Variants in PPP2R2B observed in about 807,000 individuals in gnomAD.
The protein encoded by PPP2R2B is protein phosphatase 2 regulatory subunit Bbeta.
A neutral mutation model predicts 46.0 loss-of-function variants in PPP2R2B; 5 were observed. That is an observed-to-expected ratio of 0.11 (90% CI 0.06 to 0.23). PPP2R2B has a LOEUF of 0.23. Among genes scored for constraint, PPP2R2B ranks in the 10% least tolerant of loss-of-function variants. The pLI, the probability that PPP2R2B is intolerant of heterozygous loss-of-function variation, is 1.00. For synonymous variants in PPP2R2B, 215 were observed against 206.7 expected (o/e 1.04, Z -0.34); for missense variants, 367 against 575.0 (o/e 0.64, Z 3.70).
At chr5:146,836,719 T>G (rs1186598369) in intron 2 of PPP2R2B, among the ~76,000 whole-genome samples, 1 of 152,210 alleles carries the variant, frequency 6.6e-6, no homozygotes, top group Non-Finnish European at 1.5e-5. Flanking sequence ...TTGCCAAAGT[T>G]CAGAGAGATA....
At chr5:146,779,548 A>G (rs753037677) in intron 2 of PPP2R2B, among the ~76,000 whole-genome samples, 7 of 152,208 alleles carry the variant, frequency 4.6e-5, no homozygotes, top group Non-Finnish European at 7.3e-5. Flanking sequence ...AAAGACTCAT[A>G]GTGGTACCAC....
At chr5:146,726,723 C>T (rs1346200359) in intron 2 of PPP2R2B, among the ~76,000 whole-genome samples, 2 of 152,194 alleles carry the variant, frequency 1.3e-5, no homozygotes, top group Non-Finnish European at 2.9e-5. Context: ...ATCTCAGGCT[C>T]ATGGGATCTG....
intron 2 of PPP2R2B, among the ~76,000 whole-genome samples, chr5:146,781,193 A>G (rs913333710): frequency 8.1e-6 from 1 of 123,744 alleles, no homozygotes; most frequent in South Asian, 2.6e-4. Context: ...TTCTCATGAT[A>G]TAAGTGAAGA....
intron 2 of PPP2R2B, among the ~76,000 whole-genome samples, chr5:146,792,832 C>T (rs759945834): frequency 3.3e-5 from 5 of 152,072 alleles, no homozygotes; most frequent in South Asian, 2.1e-4. Context: ...GAGAATAAAC[C>T]GAAGGACAGA....
rs921290767 is a variant in PPP2R2B at position 147,029,119 on chromosome 5, C to CT, written c.79+26545dup. On this transcript the variant is annotated intron_variant, in intron 1 of 8. Coordinates refer to the PPP2R2B transcript ENST00000336640. Reference sequence around the variant, plus strand: ...TCTTGCCTTTTTAGTCTTTTAACTCCTTTTTTTGATGAATAGAAAAATTTA... The same window carrying CT: ...TCTTGCCTTTTTAGTCTTTTAACTCCTTTTTTTTGATGAATAGAAAAATTTA... Among the ~76,000 whole-genome samples the CT allele has an allele frequency of 2.6e-5, 4 of 152,012 alleles. No homozygotes were observed. The East Asian group carries it at 5.8e-4, about 22-fold the overall frequency.
intron 2 of PPP2R2B, among the ~76,000 whole-genome samples, chr5:147,071,366 C>T (rs1185717006): frequency 6.6e-6 from 1 of 152,208 alleles, no homozygotes; most frequent in Non-Finnish European, 1.5e-5. Context: ...AATTGAGCTG[C>T]TGCTAGAAAG....
At chr5:146,964,408 C>G (rs191093141) in intron 1 of PPP2R2B, among the ~76,000 whole-genome samples, 44 of 152,052 alleles carry the variant, frequency 2.9e-4, no homozygotes, top group Middle Eastern at 3.4e-3. Flanking sequence ...AATAGTTTGA[C>G]TTGGTGCTTC....
chr5:146,770,180 T>C (rs1391375482), intron 2 of PPP2R2B, among the ~76,000 whole-genome samples: 3 of 151,520 alleles, frequency 2.0e-5, no homozygotes, highest in African/African-American at 4.8e-5. Context: ...AATACAAAAA[T>C]TAGCCAGACT....
At chr5:147,016,937 C>T (rs927981193) in intron 1 of PPP2R2B, among the ~76,000 whole-genome samples, 1 of 151,582 alleles carries the variant, frequency 6.6e-6, no homozygotes, top group African/African-American at 2.4e-5. Context: ...GAATATCCTA[C>T]ATGTCATGCT....
chr5:146,669,872 A>AT (rs893762841), intron 5 of PPP2R2B, among the ~76,000 whole-genome samples: 2 of 152,134 alleles, frequency 1.3e-5, no homozygotes, highest in African/African-American at 2.4e-5. Context: ...ATACCATGGC[A>AT]TTTTTTTCTG....
chr5:146,867,748 C>T lies in PPP2R2B; in HGVS notation c.70+10254G>A, dbSNP rs143572731. On this transcript the variant is annotated intron_variant, in intron 2 of 9. Transcript: ENST00000394411. ...GTGGTTAATTATATTTTGAGAAGGA[C>T]GGAGTGTCACCTGCCCAAATAGATG... is the stretch of plus-strand genomic sequence containing the variant. 5.4e-3 allele frequency among the ~76,000 whole-genome samples: 827 copies of T among 152,266 alleles called. 6 individuals carry two copies. Among genetic ancestry groups the T allele is most frequent in the Admixed American group, 9.7e-3 (148 of 15,292 alleles).
chr5:146,983,397 G>C (rs560125351), intron 1 of PPP2R2B, among the ~76,000 whole-genome samples: 1 of 152,084 alleles, frequency 6.6e-6, no homozygotes, highest in South Asian at 2.1e-4. Context: ...AGCCAGGATG[G>C]TCTTGATCTC....
At chr5:146,821,272 T>C (rs1475448857) in intron 2 of PPP2R2B, among the ~76,000 whole-genome samples, 1 of 152,200 alleles carries the variant, frequency 6.6e-6, no homozygotes, top group East Asian at 1.9e-4. Context: ...CTTAATACCA[T>C]ACTCTTCTCT....
At chr5:146,676,384 C>G (rs781563792) in intron 5 of PPP2R2B, among the ~76,000 whole-genome samples, 5 of 152,132 alleles carry the variant, frequency 3.3e-5, no homozygotes, top group Non-Finnish European at 7.3e-5. Context: ...CTGCATCTTA[C>G]TGGTACCACA....
At chr5:146,718,026 T>C (rs1402180062) in intron 2 of PPP2R2B, among the ~76,000 whole-genome samples, 5 of 152,180 alleles carry the variant, frequency 3.3e-5, no homozygotes, top group Admixed American at 6.5e-5. Flanking sequence ...ATGTATATTA[T>C]GTATGTTTTT....
In PPP2R2B at chr5:146,815,329, A is replaced by G. The variant is rs576731730; in HGVS notation, c.70+62673T>C. On this transcript the variant is annotated intron_variant, in intron 2 of 9. Coordinates refer to ENST00000394411, the MANE Select transcript of PPP2R2B (RefSeq NM_181675.4). Reference sequence around the variant, plus strand: ...ACCCGGATTTCCTCTTCCAATGTATATTCATTCAACACTCCTGCACACACT... The same window carrying G: ...ACCCGGATTTCCTCTTCCAATGTATGTTCATTCAACACTCCTGCACACACT... Among the ~76,000 whole-genome samples the G allele has an allele frequency of 6.6e-5, 10 of 152,344 alleles. No individual in the cohort carries two copies. The South Asian group carries it at 2.1e-3, about 32-fold the overall frequency.
rs1197171927 is a variant in PPP2R2B at position 146,614,274 on chromosome 5, G to A, written c.791-13814C>T. Reference sequence around the variant, plus strand: ...GAAAGGATTCCCTATTTAATAAATGGTACTGGGAAAACTGGCTAGCCATAT... The same window carrying A: ...GAAAGGATTCCCTATTTAATAAATGATACTGGGAAAACTGGCTAGCCATAT... On this transcript the variant is annotated intron_variant, in intron 7 of 9. Coordinates refer to ENST00000394411, the MANE Select transcript of PPP2R2B (RefSeq NM_181675.4). Among the ~76,000 whole-genome samples, 7 of 97,054 alleles carry A rather than the reference G, an allele frequency of 7.2e-5. 1 individual carries two copies. The highest frequency in any genetic ancestry group is 1.1e-4 in the Non-Finnish European group (6 of 52,818). 63.7% of individuals were successfully genotyped at this position (97,054 alleles called of 152,430 possible).
chr5:146,669,203 A>C (rs970214017), intron 5 of PPP2R2B, among the ~76,000 whole-genome samples: 3 of 152,182 alleles, frequency 2.0e-5, no homozygotes, highest in Non-Finnish European at 4.4e-5. Flanking sequence ...TTATGTACTG[A>C]ATTGTATCAC....
intron 9 of PPP2R2B, among the ~76,000 whole-genome samples, chr5:146,591,421 T>TCA (rs992977947): frequency 3.9e-5 from 6 of 152,192 alleles, no homozygotes; most frequent in African/African-American, 1.4e-4. Flanking sequence ...TATCACCTTG[T>TCA]CAGGCAGGGC....
Sources: gnomAD v4.1 joint callset for allele counts (sites outside exome capture counted in the v4.1 genomes callset) on GRCh38, gnomAD v4.1.1 for gene constraint, MANE v1.5 for transcripts, NCBI Gene and HGNC (gene_info 2026-07-23, HGNC 2026-07-21) for gene names.